LRRFIP2: variants seen among roughly 807,000 people sequenced by gnomAD.
LRRFIP2 encodes leucine-rich repeat flightless-interacting protein 2.
In LRRFIP2, 109 loss-of-function variants were observed where a neutral mutation model predicts 125.9. The observed-to-expected ratio is 0.87, with a 90% CI of 0.74 to 1.01. The LOEUF (loss-of-function observed/expected upper bound fraction) is 1.01. LRRFIP2 is among the 50% of genes least tolerant of loss of function. The probability of loss-of-function intolerance (pLI) is 0.00; values close to 1 mark genes in which losing one functional copy is unlikely to be tolerated. For missense variants in LRRFIP2, 850 were observed against 862.3 expected, an observed-to-expected ratio of 0.99 and a Z score of 0.18; for synonymous variants, 291 against 293.1, an observed-to-expected ratio of 0.99 and a Z score of 0.07.
intron 21 of LRRFIP2, among the ~76,000 whole-genome samples, chr3:37,071,628 AG>A (rs2091201242): frequency 6.6e-6 from 1 of 152,204 alleles, no homozygotes; most frequent in South Asian, 2.1e-4. Flanking sequence ...CAACATTCTG[AG>A]GGTATAATCC....
chr3:37,108,296 G>C (rs1285558387), intron 12 of LRRFIP2, among the ~76,000 whole-genome samples, 167 bp from the exon 13 acceptor site: 1 of 152,192 alleles, frequency 6.6e-6, no homozygotes, highest in Non-Finnish European at 1.5e-5. Flanking sequence ...AGATCCACCA[G>C]CCCTTGGCTA....
rs772795427 is a variant in LRRFIP2, at chr3:37,058,859, T to C, written c.1801A>G (p.Asn601Asp). The C allele has an allele frequency of 1.9e-6, 3 of 1,613,998 alleles. No homozygotes were observed. In the Admixed American group the frequency reaches 5.0e-5, roughly 27 times the overall value. ...LEEERQKCSR[N>D]DGTVGDLAGL... ...GCCAGGTCACCCACTGTGCCATCAT[T>C]CCTGGAGCATTTCTGTCGTTCCTCC... The change falls in exon 25 of 28, where the codon AAT becomes GAT. Residue 601 changes from asparagine to aspartate, a missense_variant. Coordinates refer to ENST00000336686, the MANE Select transcript of LRRFIP2 (RefSeq NM_006309.4).
rs2149055826 is a variant in LRRFIP2 at position 37,083,732 on chromosome 3, G to A, written c.1182C>T (p.Asn394=). Residue 394 remains asparagine, a synonymous_variant, in exon 19 of 28, where the codon AAC becomes AAT. Transcript: ENST00000336686. ...GTGTGTCTACTTGGTAGATCAAATT[G>A]TTCTTCTCATTGTCTAACTGTGCAT... ...VSNAQLDNEK[N]NLIYQVDTLK... is the part of the protein sequence containing the mutation. 2 of 1,600,824 alleles carry A rather than the reference G, an allele frequency of 1.2e-6. No homozygotes were observed. The highest frequency in any genetic ancestry group is 2.3e-5 in the South Asian group (2 of 88,398).
In LRRFIP2 at chr3:37,143,183, C is replaced by T. The variant is rs137959059; in HGVS notation, c.90+5711G>A. ...GCCAAACCATAAGCCAATTAAACCT[C>T]TTTTCTTTATAAATCACCCAGTCTT... On this transcript the variant is annotated intron_variant, in intron 2 of 27. Transcript: ENST00000336686. Among the ~76,000 whole-genome samples the T allele has an allele frequency of 2.2e-3, 337 of 152,330 alleles. 1 individual carries two copies. Among genetic ancestry groups the T allele is most frequent in the African/African-American group, 7.6e-3 (316 of 41,564 alleles).
chr3:37,066,459 C>G, intron 21 of LRRFIP2, 134 bp from the exon 22 acceptor site: 4 of 710,206 alleles, frequency 5.6e-6, no homozygotes, highest in Non-Finnish European at 1.0e-5. Flanking sequence ...AGATTGGAAA[C>G]AAACAGTCAG....
chr3:37,088,221 A>T (rs1449335583), intron 18 of LRRFIP2, among the ~76,000 whole-genome samples: 1 of 152,158 alleles, frequency 6.6e-6, no homozygotes, highest in African/African-American at 2.4e-5. Flanking sequence ...TCATTGTTTT[A>T]TTCTCAGTCA....
At chr3:37,055,043 G>A (rs201290340) in intron 26 of LRRFIP2, 43 bp downstream of exon 26, 144 of 1,321,232 alleles carry the variant, frequency 1.1e-4, no homozygotes, top group Non-Finnish European at 1.4e-4. Context: ...CTTAGATGCA[G>A]GAAGGACATT....
chr3:37,149,858 A>C (rs1297568564), intron 1 of LRRFIP2, among the ~76,000 whole-genome samples: 3 of 151,672 alleles, frequency 2.0e-5, no homozygotes, highest in Non-Finnish European at 2.9e-5. Flanking sequence ...AAAATTAGCC[A>C]GGCATGGTGG....
At chr3:37,161,179 TAAAAAA>T (rs60688555) in intron 1 of LRRFIP2, among the ~76,000 whole-genome samples, 1 of 88,142 alleles carries the variant, frequency 1.1e-5, no homozygotes, top group African/African-American at 4.4e-5. Context: ...CCCCATCTAC[TAAAAAA>T]AAAAAAAAAA....
At chr3:37,072,215 G>A (rs2091315215) in intron 21 of LRRFIP2, among the ~76,000 whole-genome samples, 1 of 152,006 alleles carries the variant, frequency 6.6e-6, no homozygotes, top group Non-Finnish European at 1.5e-5. Context: ...AGAATCTGAA[G>A]GGAGGCCAGG....
chr3:37,134,131 G>A (rs756781889), intron 2 of LRRFIP2, among the ~76,000 whole-genome samples: 2 of 149,448 alleles, frequency 1.3e-5, no homozygotes, highest in Non-Finnish European at 3.0e-5. Flanking sequence ...GCAGTGAGCC[G>A]AGATGGCACC....
intron 18 of LRRFIP2, among the ~76,000 whole-genome samples, chr3:37,086,999 C>T (rs2149104542): frequency 6.6e-6 from 1 of 151,972 alleles, no homozygotes; most frequent in South Asian, 2.1e-4. Flanking sequence ...GTAACTGGGA[C>T]CACAGGCACG....
intron 2 of LRRFIP2, among the ~76,000 whole-genome samples, chr3:37,137,860 T>G (rs1026185144): frequency 2.0e-5 from 3 of 152,228 alleles, no homozygotes; most frequent in Non-Finnish European, 1.5e-5. Flanking sequence ...TTTCCATTAA[T>G]GGAATCTTGT....
chr3:37,081,748 C>CGTG (rs1208420398), intron 19 of LRRFIP2, among the ~76,000 whole-genome samples: 1 of 151,706 alleles, frequency 6.6e-6, no homozygotes, highest in African/African-American at 2.4e-5. Context: ...ATTAGCCAGG[C>CGTG]GTGGTGGTAC....
chr3:37,057,711 A>G (rs2087315117), intron 25 of LRRFIP2, among the ~76,000 whole-genome samples: 1 of 152,166 alleles, frequency 6.6e-6, no homozygotes, highest in Non-Finnish European at 1.5e-5. Context: ...GGTTTAGATG[A>G]AAAGTCCATG....
chr3:37,174,127 AAAG>A (rs1560210377), intron 1 of LRRFIP2: 1 of 152,234 alleles, frequency 6.6e-6, no homozygotes, highest in Non-Finnish European at 1.5e-5. Flanking sequence ...AAATTTAGTG[AAAG>A]AAGTAAAGGA....
chr3:37,063,749 A>T lies in LRRFIP2; in HGVS notation c.1742T>A (p.Leu581Gln). The T allele has an allele frequency of 6.2e-7, 1 of 1,611,150 alleles. No individual in the cohort carries two copies. The highest frequency in any genetic ancestry group is 8.5e-7 in the Non-Finnish European group (1 of 1,177,352). Residue 581 changes from leucine (L) to glutamine (Q), a missense_variant, in exon 24 of 28, where the codon CTG (leucine) becomes CAG (glutamine). Transcript: ENST00000336686. ...CAATAAGAATGCCTTTACCTGTGAC[A>T]GTAGTTCTTCCTTCTCTCCAGCAAG... ...RKLAGEKEEL[L>Q]SQIRKLKLQL... is the part of the protein sequence containing the mutation.
chr3:37,105,561 T>A (rs983171525), intron 13 of LRRFIP2, 38 bp from the exon 14 acceptor site: 1 of 1,524,454 alleles, frequency 6.6e-7, no homozygotes, highest in Non-Finnish European at 9.1e-7. Context: ...AAAGATGCAA[T>A]TTTGCTATGG....
intron 6 of LRRFIP2, among the ~76,000 whole-genome samples, chr3:37,115,384 T>C (rs9871388): frequency 0.033 from 4,990 of 152,294 alleles, 229 homozygotes; most frequent in African/African-American, 0.1. Flanking sequence ...CAGTACACTA[T>C]AGCACAAAAC....
Sources: gnomAD v4.1 joint callset for allele counts (sites outside exome capture counted in the v4.1 genomes callset) on GRCh38, gnomAD v4.1.1 for gene constraint, MANE v1.5 for transcripts, NCBI Gene and HGNC (gene_info 2026-07-23, HGNC 2026-07-21) for gene names.